TTLL6: variants seen among roughly 807,000 people sequenced by gnomAD.
The protein encoded by TTLL6 is tubulin tyrosine ligase like 6.
In TTLL6, 75 loss-of-function variants were observed where a neutral mutation model predicts 96.4. That is an observed-to-expected ratio of 0.78 (90% CI 0.65 to 0.94). The LOEUF (loss-of-function observed/expected upper bound fraction) is 0.94, where lower values mean the gene tolerates loss of function less well. Among genes scored for constraint, TTLL6 ranks in the 40% least tolerant of loss-of-function variants. TTLL6 has a pLI of 0.00. For synonymous variants in TTLL6, 411 were observed against 419.4 expected (o/e 0.98, Z 0.24); for missense variants, 1,030 against 1,093.0 (o/e 0.94, Z 0.81).
At chr17:48,809,778 C>T (rs1489748898) in intron 1 of TTLL6, among the ~76,000 whole-genome samples, 1 of 151,996 alleles carries the variant, frequency 6.6e-6, no homozygotes, top group South Asian at 2.1e-4. Context: ...ATTGCTTGAG[C>T]CTAAGAGTTT....
At chr17:48,782,515 C>A (rs1388975556) in intron 13 of TTLL6, among the ~76,000 whole-genome samples, 1 of 152,126 alleles carries the variant, frequency 6.6e-6, no homozygotes, top group Non-Finnish European at 1.5e-5. Flanking sequence ...TGGTTGTTGC[C>A]TTTACTGTGC....
Position 48,817,161 on chromosome 17 carries a change from C to A in TTLL6, c.-89G>T. 1 of 928,182 alleles carries A rather than the reference C, an allele frequency of 1.1e-6. No individual in the cohort carries two copies. The highest frequency in any genetic ancestry group is 1.6e-6 in the Non-Finnish European group (1 of 636,686). The allele number at this position is 928,182 out of a possible 1,614,324, so 57.5% of individuals were successfully genotyped here. ...ATATTTGCATACGGGGCCTTCTAGG[C>A]CTTCGATTGGCCCCTGCAGTAGCTG... On this transcript the variant is annotated 5_prime_UTR_variant, in exon 1 of 16. Coordinates refer to ENST00000393382, the MANE Select transcript of TTLL6 (RefSeq NM_001130918.3).
Position 48,801,298 on chromosome 17 carries a change from T to C in TTLL6, c.568A>G (p.Lys190Glu), listed in dbSNP as rs1567732658. 3 of 1,551,600 alleles carry C rather than the reference T, an allele frequency of 1.9e-6. No individual in the cohort carries two copies. Among genetic ancestry groups the C allele is most frequent in the Non-Finnish European group, 2.6e-6 (3 of 1,146,974 alleles). Reference protein sequence around the residue: ...NMSRMLKMFPKDFRFFPRTWC... With the variant: ...NMSRMLKMFPEDFRFFPRTWC... ...GTCCTAGGGAAAAAGCGGAAATCTT[T>C]AGGGAACATCTTTAACATGCGGCTC... is the stretch of plus-strand genomic sequence containing the variant. The change falls in exon 5 of 16, where the codon AAA becomes GAA. Residue 190 changes from lysine (K) to glutamate (E), a missense_variant. Physicochemically the swap from Lys to Glu is moderately conservative, Grantham distance 56. Coordinates refer to ENST00000393382, the MANE Select transcript of TTLL6 (RefSeq NM_001130918.3).
intron 1 of TTLL6, among the ~76,000 whole-genome samples, chr17:48,810,206 G>C (rs1200670360): frequency 6.6e-6 from 1 of 150,986 alleles, no homozygotes; most frequent in East Asian, 1.9e-4. Context: ...TCTTGCATGA[G>C]AGGGCCTCAT....
intron 13 of TTLL6, among the ~76,000 whole-genome samples, chr17:48,781,489 A>G (rs949288165): frequency 1.3e-5 from 2 of 152,214 alleles, no homozygotes; most frequent in Non-Finnish European, 2.9e-5. Flanking sequence ...TTTTAAAAGT[A>G]ATGACCATCC....
At chr17:48,776,333 C>T (rs562035299) in intron 13 of TTLL6, among the ~76,000 whole-genome samples, 5 of 152,080 alleles carry the variant, frequency 3.3e-5, no homozygotes, top group East Asian at 3.9e-4. Flanking sequence ...GCCAGGTGTG[C>T]GCCTGTAGTC....
At chr17:48,787,022 G>T (rs2039113268) in intron 11 of TTLL6, among the ~76,000 whole-genome samples, 1 of 151,902 alleles carries the variant, frequency 6.6e-6, no homozygotes, top group Non-Finnish European at 1.5e-5. Flanking sequence ...GTAGAGATGG[G>T]GTTTCACCAT....
chr17:48,801,385 T>C lies in TTLL6; in HGVS notation c.481A>G (p.Lys161Glu), dbSNP rs1411433081. 6.4e-6 allele frequency: 10 copies of C among 1,551,450 alleles called. No homozygotes were observed. The Admixed American group carries it at 9.8e-5, about 15-fold the overall frequency. Reference protein sequence around the residue: ...ERVMEMKSYQKINHFPGMSEI... With the variant: ...ERVMEMKSYQEINHFPGMSEI... ...CTCATCCCGGGGAAGTGATTGATCT[T>C]CTGGAAGGGAAGCCGGAATTCATGA... is the stretch of plus-strand genomic sequence containing the variant. Residue 161 changes from lysine to glutamate, a missense_variant and splice_region_variant, in exon 5 of 16, where the codon AAG becomes GAG. Physicochemically the swap from Lys to Glu is moderately conservative, Grantham distance 56 (BLOSUM62 1). Coordinates refer to ENST00000393382, the MANE Select transcript of TTLL6 (RefSeq NM_001130918.3).
chr17:48,795,830 TCCTC>T (rs1187281617), intron 8 of TTLL6, among the ~76,000 whole-genome samples: 13 of 152,214 alleles, frequency 8.5e-5, no homozygotes, highest in African/African-American at 3.1e-4. Flanking sequence ...TGTTTATCTC[TCCTC>T]CTCCCAGCCT....
intron 15 of TTLL6, chr17:48,765,460 A>G (rs933660996): frequency 2.0e-5 from 3 of 152,222 alleles, no homozygotes; most frequent in Non-Finnish European, 2.9e-5. Flanking sequence ...TCAATTAGAT[A>G]AAATATTTAT....
At chr17:48,797,718 G>A (rs2039342785) in intron 6 of TTLL6, among the ~76,000 whole-genome samples, 1 of 150,092 alleles carries the variant, frequency 6.7e-6, no homozygotes, top group Admixed American at 6.6e-5. Context: ...GCCCCGGGGG[G>A]CAGAAATTGC....
At chr17:48,777,816 C>T (rs2038907871) in intron 13 of TTLL6, among the ~76,000 whole-genome samples, 1 of 151,892 alleles carries the variant, frequency 6.6e-6, no homozygotes, top group African/African-American at 2.4e-5. Flanking sequence ...GAGGCTGAGA[C>T]AGGAGAATTG....
At chr17:48,804,362 C>A in intron 2 of TTLL6, 1 of 484,624 alleles carries the variant, frequency 2.1e-6, no homozygotes, top group East Asian at 6.2e-5. Flanking sequence ...TGGAGCAAGG[C>A]ATGGTGAAAT....
intron 8 of TTLL6, among the ~76,000 whole-genome samples, chr17:48,795,329 GAA>G (rs796848295): frequency 2.7e-5 from 2 of 73,394 alleles, no homozygotes; most frequent in Non-Finnish European, 3.0e-5. Flanking sequence ...AGTCTCAAAA[GAA>G]AAAAAAAAAA....
intron 8 of TTLL6, among the ~76,000 whole-genome samples, chr17:48,791,815 A>G (rs1428839919): frequency 6.6e-6 from 1 of 152,234 alleles, no homozygotes; most frequent in Non-Finnish European, 1.5e-5. Context: ...CCAGAGCCCC[A>G]GGGTGGGTGC....
chr17:48,788,751 C>T (rs2143349659), intron 10 of TTLL6, among the ~76,000 whole-genome samples: 1 of 152,280 alleles, frequency 6.6e-6, no homozygotes. Context: ...ATTTCCTTAG[C>T]TTTCAGAACA....
At position 48,785,088 on chromosome 17, in the gene TTLL6, C is replaced by CTCCTCCG; in HGVS notation, c.1868_1874dup (p.Glu625AspfsTer37). 1 of 1,614,100 alleles carries CTCCTCCG rather than the reference C, an allele frequency of 6.2e-7. No homozygotes were observed. Among genetic ancestry groups the CTCCTCCG allele is most frequent in the Non-Finnish European group, 8.5e-7 (1 of 1,180,004 alleles). On this transcript the variant is annotated frameshift_variant, in exon 13 of 16. Transcript: ENST00000393382. LOFTEE classifies it high-confidence loss of function. ...TCAGCTTGGGGAAAACAGAGCTGGC[C>CTCCTCCG]TCCTCCGTGGGAGCCTCCTGGTTGA...
chr17:48,809,808 G>A (rs1201790513), intron 1 of TTLL6, among the ~76,000 whole-genome samples: 1 of 151,776 alleles, frequency 6.6e-6, no homozygotes, highest in Non-Finnish European at 1.5e-5. Context: ...GTGAGCCATG[G>A]CTGCACCACT....
rs568268521 is a variant in TTLL6 at position 48,769,816 on chromosome 17, G to C, written c.2322C>G (p.Ser774=). Residue 774 remains serine (S), a synonymous_variant, in exon 14 of 16, where the codon TCC becomes TCG. Coordinates refer to ENST00000393382, the MANE Select transcript of TTLL6 (RefSeq NM_001130918.3). ...KSDMNKPHLI[S]ELLTKLQLSG... Reference sequence around the variant, plus strand: ...TCAGTTGAAGCTTGGTGAGTAGCTCGGATATCAAATGTGGCTTGTTCATGT... The same window carrying C: ...TCAGTTGAAGCTTGGTGAGTAGCTCCGATATCAAATGTGGCTTGTTCATGT... The C allele has an allele frequency of 5.6e-6, 9 of 1,614,214 alleles. No homozygotes were observed. In the East Asian group the frequency reaches 2.0e-4, roughly 36 times the overall value.
Sources: gnomAD v4.1 joint callset for allele counts (sites outside exome capture counted in the v4.1 genomes callset) on GRCh38, gnomAD v4.1.1 for gene constraint, MANE v1.5 for transcripts, NCBI Gene and HGNC (gene_info 2026-07-23, HGNC 2026-07-21) for gene names.